Variants in ERC2 observed in about 807,000 individuals in gnomAD.
The protein encoded by ERC2 is ERC protein 2.
A neutral mutation model predicts 114.8 loss-of-function variants in ERC2; 42 were observed. That is an observed-to-expected ratio of 0.37 (90% CI 0.29 to 0.47). The LOEUF is 0.47. Among genes scored for constraint, ERC2 ranks in the 20% least tolerant of loss-of-function variants. The pLI, the probability that ERC2 is intolerant of heterozygous loss-of-function variation, is 0.99. For synonymous variants in ERC2, 454 were observed against 425.5 expected, an observed-to-expected ratio of 1.07 and a Z score of -0.82; for missense variants, 939 against 1,150.7, an observed-to-expected ratio of 0.82 and a Z score of 2.66.
chr3:55,895,046 T>C (rs1016650397), intron 13 of ERC2, among the ~76,000 whole-genome samples: 3 of 152,226 alleles, frequency 2.0e-5, no homozygotes, highest in Non-Finnish European at 2.9e-5. Flanking sequence ...AGGCCCTGTC[T>C]ACACCTGACC....
intron 6 of ERC2, among the ~76,000 whole-genome samples, chr3:56,115,384 AG>A (rs1268609918): frequency 6.6e-6 from 1 of 152,030 alleles, no homozygotes; most frequent in African/African-American, 2.4e-5. Context: ...AGACTTGGGG[AG>A]GGCTAACCAT....
intron 14 of ERC2, among the ~76,000 whole-genome samples, chr3:55,785,621 A>G (rs550249502): frequency 1.3e-5 from 2 of 152,348 alleles, no homozygotes; most frequent in East Asian, 3.9e-4. Flanking sequence ...AAAAGCCAGC[A>G]AGGGCTGCCT....
intron 3 of ERC2, among the ~76,000 whole-genome samples, chr3:56,294,381 G>C (rs1269642140): frequency 6.6e-6 from 1 of 152,206 alleles, no homozygotes; most frequent in Non-Finnish European, 1.5e-5. Flanking sequence ...TGTCATCCCA[G>C]GACCTGTCTT....
At chr3:56,116,331 G>T (rs937678529) in intron 6 of ERC2, among the ~76,000 whole-genome samples, 1 of 152,204 alleles carries the variant, frequency 6.6e-6, no homozygotes. Context: ...CCATGAAATT[G>T]TAAGTTATAA....
At chr3:56,190,716 G>T (rs1258235912) in intron 3 of ERC2, among the ~76,000 whole-genome samples, 7 of 152,172 alleles carry the variant, frequency 4.6e-5, no homozygotes, top group African/African-American at 1.4e-4. Flanking sequence ...TGGGACCACA[G>T]GTGCATGCCA....
chr3:56,176,650 C>T (rs965465728), intron 3 of ERC2, among the ~76,000 whole-genome samples: 1 of 152,108 alleles, frequency 6.6e-6, no homozygotes, highest in South Asian at 2.1e-4. Flanking sequence ...CATCTTGATT[C>T]CTAAGGTGTC....
intron 14 of ERC2, among the ~76,000 whole-genome samples, chr3:55,853,444 G>A (rs116007023): frequency 0.013 from 1,970 of 152,104 alleles, 43 homozygotes; most frequent in African/African-American, 0.045. Context: ...AGGATGACTT[G>A]AGCCCAGGAG....
chr3:55,734,967 A>C (rs2065531976), intron 14 of ERC2, 49 bp from the exon 15 acceptor site: 1 of 1,481,362 alleles, frequency 6.8e-7, no homozygotes, highest in Non-Finnish European at 9.0e-7. Flanking sequence ...TAAAAAAAAA[A>C]ACAAACAATT....
At chr3:56,061,012 A>G (rs1329376732) in intron 7 of ERC2, among the ~76,000 whole-genome samples, 1 of 152,108 alleles carries the variant, frequency 6.6e-6, no homozygotes, top group African/African-American at 2.4e-5. Context: ...AGTAACCTCC[A>G]CTTGCCTGCT....
Position 55,870,079 on chromosome 3 carries a change from A to G in ERC2, c.2564+18310T>C, listed in dbSNP as rs1372164348. Among the ~76,000 whole-genome samples, 5 of 146,426 alleles carry G rather than the reference A, an allele frequency of 3.4e-5. No individual in the cohort carries two copies. In the Admixed American group the frequency reaches 3.4e-4, roughly 10 times the overall value. ...TTGTTATAGTATAAAAAAGAGTACA[A>G]TTTTTTTTTTTTTGAGACAGGGTCT... On this transcript the variant is annotated intron_variant, in intron 14 of 17. Coordinates refer to ENST00000288221, the MANE Select transcript of ERC2 (RefSeq NM_015576.3).
At chr3:55,959,310 T>C (rs894608675) in intron 12 of ERC2, among the ~76,000 whole-genome samples, 3 of 152,222 alleles carry the variant, frequency 2.0e-5, no homozygotes, top group African/African-American at 7.2e-5. Flanking sequence ...ATTCTGACCC[T>C]GAAACCTCCC....
At chr3:56,432,115 A>G (rs925679713) in intron 2 of ERC2, among the ~76,000 whole-genome samples, 4 of 152,182 alleles carry the variant, frequency 2.6e-5, no homozygotes, top group Non-Finnish European at 5.9e-5. Flanking sequence ...ATGTATCTCA[A>G]TGTATTATTT....
intron 7 of ERC2, among the ~76,000 whole-genome samples, chr3:56,032,890 AGAG>A (rs2074461369): frequency 1.9e-4 from 21 of 109,602 alleles, no homozygotes; most frequent in Admixed American, 6.9e-4. Flanking sequence ...AAAGAAAGAG[AGAG>A]AGAGAGACAG....
chr3:55,531,512 A>G (rs2053666550), intron 17 of ERC2, among the ~76,000 whole-genome samples: 1 of 152,128 alleles, frequency 6.6e-6, no homozygotes, highest in Non-Finnish European at 1.5e-5. Context: ...TTTTCATGCT[A>G]ATGACTCCTG....
At chr3:56,404,476 C>T (rs1406694167) in intron 2 of ERC2, among the ~76,000 whole-genome samples, 1 of 151,488 alleles carries the variant, frequency 6.6e-6, no homozygotes, top group Admixed American at 6.6e-5. Flanking sequence ...TTAGTGGGTA[C>T]AAAAAATAGA....
At chr3:55,578,293 A>G (rs1407349857) in intron 17 of ERC2, among the ~76,000 whole-genome samples, 1 of 152,160 alleles carries the variant, frequency 6.6e-6, no homozygotes, top group Non-Finnish European at 1.5e-5. Flanking sequence ...ACAGGACTCC[A>G]TGAGGTCTGG....
At chr3:56,213,101 C>T (rs111388129) in intron 3 of ERC2, among the ~76,000 whole-genome samples, 12,216 of 152,142 alleles carry the variant, frequency 0.08, 656 homozygotes, top group Admixed American at 0.15. Flanking sequence ...ACGCAGAAGA[C>T]GGGTGGTTAC....
At chr3:56,168,437 T>C (rs1036541715) in intron 4 of ERC2, among the ~76,000 whole-genome samples, 5 of 152,322 alleles carry the variant, frequency 3.3e-5, no homozygotes, top group East Asian at 1.9e-4. Context: ...AAATTTCATA[T>C]GAACACAGCA....
chr3:56,030,204 G>A (rs1225203692), intron 7 of ERC2, among the ~76,000 whole-genome samples: 2 of 152,040 alleles, frequency 1.3e-5, no homozygotes, highest in African/African-American at 2.4e-5. Context: ...TTCAAATTTG[G>A]TGAGGTGTGT....
Sources: allele counts gnomAD v4.1 joint callset (sites outside exome capture counted in the v4.1 genomes callset), GRCh38; gene constraint gnomAD v4.1.1; transcripts MANE v1.5; gene names NCBI Gene and HGNC (gene_info 2026-07-23, HGNC 2026-07-21).